The following PCSK5 variants were observed in gnomAD, a reference collection of about 807,000 sequenced individuals.
PCSK5 encodes the protein proprotein convertase subtilisin/kexin type 5, also known as prohormone convertase 5.
A neutral mutation model predicts 233.2 loss-of-function variants in PCSK5; 129 were observed. The ratio of observed to expected loss-of-function variants is 0.55; its 90% CI spans 0.48 to 0.64. PCSK5 has a LOEUF of 0.64. Ranked by LOEUF, PCSK5 falls within the 30% of genes least tolerant of loss-of-function variation. PCSK5 has a pLI of 0.00. For missense variants in PCSK5, 2,076 were observed against 2,430.1 expected, an observed-to-expected ratio of 0.85 and a Z score of 3.06; for synonymous variants, 825 against 879.2, an observed-to-expected ratio of 0.94 and a Z score of 1.09.
intron 35 of PCSK5, among the ~76,000 whole-genome samples, chr9:76,342,541 T>C (rs1315608318): frequency 6.6e-6 from 1 of 152,260 alleles, no homozygotes; most frequent in Non-Finnish European, 1.5e-5. Context: ...CTGAAATTCC[T>C]GAAAAGTATC....
rs148365904 is a variant in PCSK5 at position 76,296,355 on chromosome 9, T to C, written c.3323-310T>C. Among the ~76,000 whole-genome samples the C allele has an allele frequency of 5.3e-5, 8 of 152,308 alleles. No homozygotes were observed. The East Asian group carries it at 1.4e-3, about 26-fold the overall frequency. On this transcript the variant is annotated intron_variant, in intron 26 of 37. Transcript: ENST00000674117. ...AATGCAAAGGCTGGACACAGTGGCC[T>C]GGCCAACATGGTGAAACCCCATCTC...
chr9:76,268,658 A>G (rs1827415941), intron 24 of PCSK5, among the ~76,000 whole-genome samples: 1 of 152,132 alleles, frequency 6.6e-6, no homozygotes, highest in Non-Finnish European at 1.5e-5. Flanking sequence ...CGCCTGGGGA[A>G]CATAGTGACA....
intron 5 of PCSK5, among the ~76,000 whole-genome samples, chr9:76,049,026 C>T (rs1489791227): frequency 6.6e-6 from 1 of 151,904 alleles, no homozygotes; most frequent in East Asian, 1.9e-4. Context: ...TAGAGATAGG[C>T]AGACCACAGA....
chr9:76,294,509 TGATA>T (rs1337395270), intron 25 of PCSK5, among the ~76,000 whole-genome samples: 2 of 152,216 alleles, frequency 1.3e-5, no homozygotes, highest in Non-Finnish European at 2.9e-5. Context: ...AGTTGCTATG[TGATA>T]AATCACACAA....
At chr9:76,068,149 T>G (rs1830353117) in intron 6 of PCSK5, 106 bp downstream of exon 6, 1 of 760,968 alleles carries the variant, frequency 1.3e-6, no homozygotes, top group South Asian at 1.6e-5. Flanking sequence ...TGGGCATATC[T>G]CTACCTAATA....
intron 8 of PCSK5, among the ~76,000 whole-genome samples, chr9:76,105,397 T>G (rs1013462222): frequency 6.6e-6 from 1 of 152,142 alleles, no homozygotes; most frequent in Admixed American, 6.5e-5. Context: ...AGTGAGGAAC[T>G]GTTCAGTGGT....
chr9:76,225,912 C>T (rs62563393), intron 20 of PCSK5, among the ~76,000 whole-genome samples: 14,613 of 152,198 alleles, frequency 0.096, 723 homozygotes, highest in South Asian at 0.11. Flanking sequence ...CTGGACCATT[C>T]GGGTGGGTAG....
chr9:76,291,870 C>T (rs991359826), intron 24 of PCSK5, among the ~76,000 whole-genome samples: 4 of 152,152 alleles, frequency 2.6e-5, no homozygotes, highest in Non-Finnish European at 4.4e-5. Context: ...AAGCTTGTAG[C>T]CCCTTCCAAA....
At chr9:76,326,843 CAG>C (rs75054406) in intron 32 of PCSK5, among the ~76,000 whole-genome samples, 26,029 of 151,934 alleles carry the variant, frequency 0.17, 2,310 homozygotes, top group Non-Finnish European at 0.2. Flanking sequence ...AGGTGCAGGA[CAG>C]GGAGATAGGC....
chr9:76,088,018 T>C (rs910442017), intron 7 of PCSK5, among the ~76,000 whole-genome samples: 8 of 152,264 alleles, frequency 5.3e-5, no homozygotes, highest in Non-Finnish European at 1.2e-4. Flanking sequence ...CAGCCATCTT[T>C]TGAGTGGCTA....
intron 2 of PCSK5, among the ~76,000 whole-genome samples, chr9:75,938,342 A>G (rs981416068): frequency 1.3e-5 from 2 of 152,230 alleles, no homozygotes; most frequent in African/African-American, 4.8e-5. Context: ...TAGAGCAGTC[A>G]GAACAAACGC....
At chr9:76,155,212 T>C (rs1299539977) in intron 10 of PCSK5, among the ~76,000 whole-genome samples, 1 of 152,198 alleles carries the variant, frequency 6.6e-6, no homozygotes, top group African/African-American at 2.4e-5. Context: ...CATATGTTTC[T>C]TTACACAGAT....
In PCSK5 at chr9:75,932,381, A is replaced by G; in HGVS notation, c.195A>G (p.Ile65Met). The change falls in exon 2 of 38, where the codon ATA (isoleucine) becomes ATG (methionine). Residue 65 changes from isoleucine to methionine, a missense_variant and splice_region_variant. Physicochemically the swap from Ile to Met is conservative, Grantham distance 10. Coordinates refer to ENST00000674117, the MANE Select transcript of PCSK5 (RefSeq NM_001372043.1). ...SKYGFINIGQ[I>M]GALKDYYHFY... The stretch of plus-strand genomic sequence containing the variant: ...TCCTTCCCACCCTTCCTTTGCAGAT[A>G]GGGGCCCTGAAGGACTACTACCACT... 1.3e-6 allele frequency: 2 copies of G among 1,588,898 alleles called. No homozygotes were observed. Among genetic ancestry groups the G allele is most frequent in the Non-Finnish European group, 1.7e-6 (2 of 1,158,138 alleles).
intron 21 of PCSK5, among the ~76,000 whole-genome samples, 165 bp downstream of exon 21, chr9:76,227,770 C>A (rs1047920672): frequency 6.6e-6 from 1 of 152,154 alleles, no homozygotes; most frequent in Non-Finnish European, 1.5e-5. Flanking sequence ...CAGCCCAGCT[C>A]TGTAGTATCC....
intron 2 of PCSK5, among the ~76,000 whole-genome samples, chr9:75,960,604 A>G (rs1169484430): frequency 6.6e-6 from 1 of 152,246 alleles, no homozygotes; most frequent in Non-Finnish European, 1.5e-5. Context: ...TTATTACTAT[A>G]AAGGCCAGTT....
intron 24 of PCSK5, among the ~76,000 whole-genome samples, chr9:76,259,492 C>T (rs1356252896): frequency 6.6e-6 from 1 of 151,470 alleles, no homozygotes; most frequent in African/African-American, 2.4e-5. Context: ...CACACACTCA[C>T]TTCAGTCATC....
At chr9:76,218,836 G>T (rs561500275) in intron 20 of PCSK5, among the ~76,000 whole-genome samples, 3 of 151,664 alleles carry the variant, frequency 2.0e-5, no homozygotes, top group Admixed American at 6.6e-5. Context: ...ATGCTGACCC[G>T]CAGTAGGCAC....
In PCSK5 at chr9:75,891,268, G is replaced by C. The variant is rs1825583215; in HGVS notation, c.87G>C (p.Val29=). The part of the protein sequence containing the change: ...LALLGGCLLP[V]CRTRVYTNHW... ...TGCTCGGGGGCTGCCTGCTCCCCGTGTGTCGGACGCGCGTCTACACCAACC... is the reference window on the plus strand; with the variant it reads ...TGCTCGGGGGCTGCCTGCTCCCCGTCTGTCGGACGCGCGTCTACACCAACC... The change falls in exon 1 of 38, where the codon GTG becomes GTC. Residue 29 remains valine, a synonymous_variant. Coordinates refer to ENST00000674117, the MANE Select transcript of PCSK5 (RefSeq NM_001372043.1). The C allele has an allele frequency of 6.5e-7, 1 of 1,530,608 alleles. No homozygotes were observed. The allele number at this position is 1,530,608 out of a possible 1,614,324, so 94.8% of individuals were successfully genotyped here.
At chr9:76,035,021 GCATTAATTGT>G (rs1199813359) in intron 5 of PCSK5, among the ~76,000 whole-genome samples, 3 of 152,162 alleles carry the variant, frequency 2.0e-5, no homozygotes, top group Admixed American at 1.3e-4. Context: ...TTGAGGGGCT[GCATTAATTGT>G]CTGTCTTGCC....
Sources: gnomAD v4.1 joint callset for allele counts (sites outside exome capture counted in the v4.1 genomes callset) on GRCh38, gnomAD v4.1.1 for gene constraint, MANE v1.5 for transcripts, NCBI Gene and HGNC (gene_info 2026-07-23, HGNC 2026-07-21) for gene names.